The following NDST1 variants were observed in gnomAD, a reference collection of about 807,000 sequenced individuals.
The protein encoded by NDST1 is bifunctional heparan sulfate N-deacetylase/N-sulfotransferase 1.
A neutral mutation model predicts 92.8 loss-of-function variants in NDST1; 35 were observed. That is an observed-to-expected ratio of 0.38 (90% CI 0.29 to 0.50). The LOEUF is 0.50. Among genes scored for constraint, NDST1 ranks in the 20% least tolerant of loss-of-function variants. The pLI, the probability that NDST1 is intolerant of heterozygous loss-of-function variation, is 0.94. For synonymous variants in NDST1, 493 were observed against 500.3 expected (o/e 0.99, Z 0.19); for missense variants, 822 against 1,182.7 (o/e 0.69, Z 4.47).
rs77610720 is a variant in NDST1 at position 150,557,016 on chromosome 5, G to T, written c.*3684G>T. The T allele has an allele frequency of 6.6e-6, 1 of 152,562 alleles. No individual in the cohort carries two copies. Among genetic ancestry groups the T allele is most frequent in the Admixed American group, 6.5e-5 (1 of 15,276 alleles). 9.5% of individuals were successfully genotyped at this position (152,562 alleles called of 1,614,324 possible). On this transcript the variant is annotated 3_prime_UTR_variant, in exon 15 of 15. Coordinates refer to ENST00000261797, the MANE Select transcript of NDST1 (RefSeq NM_001543.5). The surrounding 1 kb of genome is among the most constrained non-coding windows in gnomAD (Gnocchi z 4.7). ...TGTCAGATTGTTTGCTCATGGTGTC[G>T]CATAACCACTTCTTCTATCCCCTGT...
chr5:150,525,909 G>A (rs1350408725), intron 2 of NDST1, among the ~76,000 whole-genome samples: 2 of 152,116 alleles, frequency 1.3e-5, no homozygotes, highest in Non-Finnish European at 2.9e-5. Flanking sequence ...TTTTTAAAAT[G>A]CAAATTAGAA....
chr5:150,536,393 C>CA (rs1754988960), intron 6 of NDST1, among the ~76,000 whole-genome samples: 1 of 151,820 alleles, frequency 6.6e-6, no homozygotes, highest in Non-Finnish European at 1.5e-5. Flanking sequence ...GTAGTCCCAG[C>CA]TACTTGCAGG....
chr5:150,511,780 T>A (rs1753734162), intron 1 of NDST1, among the ~76,000 whole-genome samples: 1 of 152,006 alleles, frequency 6.6e-6, no homozygotes, highest in Non-Finnish European at 1.5e-5. Flanking sequence ...GAGGAAGGGA[T>A]TTGCTTCTGG....
At chr5:150,531,442 T>A (rs1213496776) in intron 3 of NDST1, among the ~76,000 whole-genome samples, 1 of 152,078 alleles carries the variant, frequency 6.6e-6, no homozygotes, top group African/African-American at 2.4e-5. Flanking sequence ...GCCAGGACTT[T>A]TAGTTTGTAA....
chr5:150,501,697 A>G lies in NDST1; in HGVS notation c.-388+3458A>G, dbSNP rs533103002. ...CTCTTTTCTAGAACTGGGATGCAGC[A>G]GTGAACAAAACACATGGAGACCCTG... On this transcript the variant is annotated intron_variant, in intron 1 of 1. Transcript: ENST00000518299. 2.8e-4 allele frequency among the ~76,000 whole-genome samples: 42 copies of G among 152,356 alleles called. No individual in the cohort carries two copies. The South Asian group carries it at 7.9e-3, about 29-fold the overall frequency.
chr5:150,498,361 A>G (rs527385071), intron 1 of NDST1: 4 of 152,228 alleles, frequency 2.6e-5, no homozygotes, highest in Non-Finnish European at 5.9e-5. Flanking sequence ...GCTTGGTACA[A>G]AGTAATCATT....
At chr5:150,522,941 A>G (rs1017982846) in intron 2 of NDST1, among the ~76,000 whole-genome samples, 1 of 152,222 alleles carries the variant, frequency 6.6e-6, no homozygotes, top group South Asian at 2.1e-4. Context: ...GGTGTGAGCC[A>G]GGAGAGGAGG....
intron 12 of NDST1, among the ~76,000 whole-genome samples, chr5:150,549,063 G>A (rs1187485489): frequency 6.6e-6 from 1 of 152,214 alleles, no homozygotes; most frequent in Admixed American, 6.5e-5. Flanking sequence ...CCAGGCTGGA[G>A]TGCAGTGGCA....
At chr5:150,535,676 C>T (rs934944399) in intron 5 of NDST1, 24 bp from the exon 6 acceptor site, 1 of 1,613,988 alleles carries the variant, frequency 6.2e-7, no homozygotes, top group African/African-American at 1.3e-5. Context: ...TATGCTCACC[C>T]TGGCCTGGTC....
intron 12 of NDST1, among the ~76,000 whole-genome samples, chr5:150,548,869 A>T (rs890980745): frequency 1.3e-5 from 2 of 152,134 alleles, no homozygotes; most frequent in Non-Finnish European, 2.9e-5. Flanking sequence ...AGGTTGATAC[A>T]TGAGAACTCC....
At chr5:150,551,656 C>T in intron 13 of NDST1, 97 bp from the exon 14 acceptor site, 2 of 1,474,214 alleles carry the variant, frequency 1.4e-6, no homozygotes, top group Non-Finnish European at 1.9e-6. Flanking sequence ...AGTAGATTCC[C>T]TGGTCTCTGC....
Position 150,539,206 on chromosome 5 carries a change from C to T in NDST1, c.1438-22C>T, listed in dbSNP as rs367747202. 3.7e-6 allele frequency: 6 copies of T among 1,602,394 alleles called. No individual in the cohort carries two copies. In the African/African-American group the frequency reaches 5.4e-5, roughly 14 times the overall value. On this transcript the variant is annotated intron_variant, in intron 6 of 14. Transcript: ENST00000261797. Reference sequence around the variant, plus strand: ...CTCATGCCAGAAGGCACCATAGCTCCTCTCCCCCACCCCCTCCTCAGGTTC... The same window carrying T: ...CTCATGCCAGAAGGCACCATAGCTCTTCTCCCCCACCCCCTCCTCAGGTTC...
intron 1 of NDST1, among the ~76,000 whole-genome samples, chr5:150,512,553 G>C (rs10476750): frequency 6.6e-6 from 1 of 152,202 alleles, no homozygotes; most frequent in Non-Finnish European, 1.5e-5. Flanking sequence ...GAAAGATCTC[G>C]AACCTCCTTC....
At chr5:150,517,389 C>T (rs181098446) in intron 1 of NDST1, among the ~76,000 whole-genome samples, 2 of 151,904 alleles carry the variant, frequency 1.3e-5, no homozygotes, top group African/African-American at 4.8e-5. Flanking sequence ...ATCCTCCTGC[C>T]TCGACCTCCC....
chr5:150,529,390 CAAA>C (rs11418788), intron 3 of NDST1, among the ~76,000 whole-genome samples: 28 of 65,160 alleles, frequency 4.3e-4, no homozygotes, highest in Admixed American at 2.8e-3. Flanking sequence ...GACCCTGTCT[CAAA>C]AAAAAAAAAA....
At chr5:150,532,183 G>T (rs371526778) in intron 3 of NDST1, among the ~76,000 whole-genome samples, 1 of 152,122 alleles carries the variant, frequency 6.6e-6, no homozygotes, top group East Asian at 1.9e-4. Flanking sequence ...TTGGACCTGT[G>T]TTGGATTCTA....
intron 4 of NDST1, among the ~76,000 whole-genome samples, chr5:150,533,612 C>A (rs1754845156): frequency 6.6e-6 from 1 of 152,190 alleles, no homozygotes. Flanking sequence ...CTGCAGTGAC[C>A]ATTCCCCCTA....
chr5:150,542,878 T>G lies in NDST1; in HGVS notation c.1877T>G (p.Met626Arg). 6.2e-7 allele frequency: 1 copy of G among 1,614,160 alleles called. No homozygotes were observed. Among genetic ancestry groups the G allele is most frequent in the Non-Finnish European group, 8.5e-7 (1 of 1,179,994 alleles). ...GTTALYLFLG[M>R]HPDLSSNYPS... ...ACTGCCCTCTACCTGTTCCTGGGCA[T>G]GCACCCTGACCTAAGCAGCAACTAC... The change falls in exon 10 of 15, where the codon ATG (methionine) becomes AGG (arginine). Residue 626 changes from methionine to arginine, a missense_variant. By Grantham distance (91) the Met-to-Arg change is moderately conservative (BLOSUM62 -1). Transcript: ENST00000261797.
rs1478465937 is a variant in NDST1, at chr5:150,535,777, G to T, written c.1329G>T (p.Leu443=). 2.5e-6 allele frequency: 4 copies of T among 1,614,120 alleles called. No homozygotes were observed. Among genetic ancestry groups the T allele is most frequent in the Non-Finnish European group, 3.4e-6 (4 of 1,180,064 alleles). ...HSGVYPVHVQ[L]YEAWKQVWSI... is the part of the protein sequence containing the mutation. ...GCGTGTACCCCGTGCACGTGCAGCT[G>T]TACGAGGCTTGGAAGCAGGTGTGGA... is the stretch of plus-strand genomic sequence containing the variant. Residue 443 remains leucine, a synonymous_variant, in exon 6 of 15, where the codon CTG becomes CTT. Transcript: ENST00000261797.
Sources: gnomAD v4.1 joint callset for allele counts (sites outside exome capture counted in the v4.1 genomes callset) on GRCh38, gnomAD v4.1.1 for gene constraint, Gnocchi (gnomAD v3.1) non-coding constraint, MANE v1.5 for transcripts, NCBI Gene and HGNC (gene_info 2026-07-23, HGNC 2026-07-21) for gene names.